Variants in PDLIM1 observed in about 807,000 individuals in gnomAD.
PDLIM1 encodes the protein PDZ and LIM domain 1.
PDLIM1 carries 25 observed loss-of-function variants against 35.2 expected under a neutral mutation model. The observed-to-expected ratio is 0.71, with a 90% confidence interval of 0.52 to 0.99. PDLIM1 has a LOEUF of 0.99. Among genes scored for constraint, PDLIM1 ranks in the 50% least tolerant of loss-of-function variants. The pLI, the probability that PDLIM1 is intolerant of heterozygous loss-of-function variation, is 0.00. For missense variants in PDLIM1, 363 were observed against 415.3 expected, an observed-to-expected ratio of 0.87 and a Z score of 1.09; for synonymous variants, 152 against 154.0, an observed-to-expected ratio of 0.99 and a Z score of 0.10.
At chr10:95,255,945 C>T (rs1049411409) in intron 4 of PDLIM1, among the ~76,000 whole-genome samples, 1 of 102,936 alleles carries the variant, frequency 9.7e-6, no homozygotes, top group African/African-American at 3.1e-5. Context: ...ACAATTGGAA[C>T]TAATAAATGA....
intron 1 of PDLIM1, among the ~76,000 whole-genome samples, chr10:95,282,798 G>A (rs1344865377): frequency 6.6e-6 from 1 of 152,106 alleles, no homozygotes. Flanking sequence ...CAAAAAATTA[G>A]CCAGGTGTGA....
intron 1 of PDLIM1, among the ~76,000 whole-genome samples, chr10:95,283,493 G>T (rs1201491939): frequency 6.6e-6 from 1 of 152,150 alleles, no homozygotes; most frequent in East Asian, 1.9e-4. Context: ...AAATAAGGCA[G>T]AAAGCACAAA....
At chr10:95,280,941 T>C (rs1004255002) in intron 1 of PDLIM1, among the ~76,000 whole-genome samples, 7 of 152,156 alleles carry the variant, frequency 4.6e-5, no homozygotes, top group Admixed American at 2.6e-4. Context: ...ATTCAAAATA[T>C]AGATAGAGCT....
chr10:95,243,757 C>T (rs1191444376), intron 5 of PDLIM1, among the ~76,000 whole-genome samples: 4 of 152,076 alleles, frequency 2.6e-5, no homozygotes, highest in Non-Finnish European at 5.9e-5. Flanking sequence ...ACACAAACAA[C>T]GGAATAATAC....
At chr10:95,255,324 T>A (rs1220730535) in intron 4 of PDLIM1, among the ~76,000 whole-genome samples, 404 of 102,448 alleles carry the variant, frequency 3.9e-3, no homozygotes, top group East Asian at 5.4e-3. Context: ...CCAAAGATAC[T>A]AAAAAAAAAA....
chr10:95,248,346 T>C (rs1408839140), intron 4 of PDLIM1, among the ~76,000 whole-genome samples: 1 of 152,226 alleles, frequency 6.6e-6, no homozygotes, highest in African/African-American at 2.4e-5. Context: ...CTGGCCTCAA[T>C]AGATAAATCC....
chr10:95,288,614 G>A (rs985298942), intron 1 of PDLIM1, among the ~76,000 whole-genome samples: 1 of 151,808 alleles, frequency 6.6e-6, no homozygotes, highest in Non-Finnish European at 1.5e-5. Context: ...GCTCAAGCAA[G>A]AAGACACTGG....
chr10:95,264,147 G>T, intron 3 of PDLIM1, 84 bp from the exon 4 acceptor site: 2 of 1,142,974 alleles, frequency 1.7e-6, no homozygotes, highest in Non-Finnish European at 1.3e-6. Flanking sequence ...GCGCCAGGGA[G>T]AGGTGTTCCA....
intron 2 of PDLIM1, among the ~76,000 whole-genome samples, chr10:95,270,523 G>GCGGGA (rs1450758751): frequency 1.3e-5 from 2 of 152,100 alleles, no homozygotes. Context: ...TCCTGCCTTT[G>GCGGGA]CGGGACCCCT....
At chr10:95,276,908 A>AC (rs946535801) in intron 1 of PDLIM1, among the ~76,000 whole-genome samples, 7 of 148,660 alleles carry the variant, frequency 4.7e-5, no homozygotes, top group Non-Finnish European at 9.0e-5. Context: ...AAAAAAAAAA[A>AC]AAAAAAAAAA....
At chr10:95,256,749 A>T (rs373169350) in intron 4 of PDLIM1, among the ~76,000 whole-genome samples, 63 of 152,214 alleles carry the variant, frequency 4.1e-4, no homozygotes, top group African/African-American at 1.5e-3. Context: ...AGGCAGGCAG[A>T]TCACTTGAGG....
intron 3 of PDLIM1, among the ~76,000 whole-genome samples, chr10:95,266,583 A>G (rs2035418719): frequency 6.6e-6 from 1 of 152,220 alleles, no homozygotes; most frequent in African/African-American, 2.4e-5. Context: ...AGCCTTCTTT[A>G]CAAGGATTTG....
chr10:95,281,223 C>A (rs1358188976), intron 1 of PDLIM1, among the ~76,000 whole-genome samples: 1 of 151,974 alleles, frequency 6.6e-6, no homozygotes, highest in African/African-American at 2.4e-5. Flanking sequence ...ACATACAAAG[C>A]CCTTGAAAGG....
At chr10:95,276,638 G>C (rs1351641481) in intron 1 of PDLIM1, among the ~76,000 whole-genome samples, 1 of 152,136 alleles carries the variant, frequency 6.6e-6, no homozygotes, top group Non-Finnish European at 1.5e-5. Flanking sequence ...GCATGACAAA[G>C]TCTTTAGCAA....
chr10:95,284,261 A>G (rs1221033687), intron 1 of PDLIM1, among the ~76,000 whole-genome samples: 2 of 152,184 alleles, frequency 1.3e-5, no homozygotes, highest in Non-Finnish European at 2.9e-5. Flanking sequence ...TGGTATGGGT[A>G]TGCTCAGCTT....
intron 5 of PDLIM1, among the ~76,000 whole-genome samples, chr10:95,239,414 C>A (rs1010991926): frequency 3.9e-5 from 6 of 152,182 alleles, no homozygotes; most frequent in African/African-American, 1.2e-4. Flanking sequence ...GAAGAGACAA[C>A]CCACAGAATG....
At chr10:95,243,652 C>T (rs1018979882) in intron 5 of PDLIM1, among the ~76,000 whole-genome samples, 3 of 152,190 alleles carry the variant, frequency 2.0e-5, no homozygotes, top group Non-Finnish European at 4.4e-5. Context: ...CTGGCCACCA[C>T]TGTGTTTTCT....
At chr10:95,288,049 C>T (rs991479215) in intron 1 of PDLIM1, among the ~76,000 whole-genome samples, 2 of 152,070 alleles carry the variant, frequency 1.3e-5, no homozygotes, top group Admixed American at 6.5e-5. Flanking sequence ...GTCAGGATAG[C>T]GTTACATTTA....
rs2035138781 is a variant in PDLIM1, at chr10:95,237,829, G to A, written c.*96C>T. ...TTTTACAAGCAGAGGGAAAACCAAA[G>A]TAAGCAGAGAACTTTCAAGAGAGGA... On this transcript the variant is annotated 3_prime_UTR_variant, in exon 7 of 7. Transcript: ENST00000329399. The A allele has an allele frequency of 1.8e-6, 2 of 1,087,528 alleles. No individual in the cohort carries two copies. The highest frequency in any genetic ancestry group is 1.6e-5 in the African/African-American group (1 of 63,718). The allele number at this position is 1,087,528 out of a possible 1,614,324, so 67.4% of individuals were successfully genotyped here.
Sources: gnomAD v4.1 joint callset for allele counts (sites outside exome capture counted in the v4.1 genomes callset) on GRCh38, gnomAD v4.1.1 for gene constraint, MANE v1.5 for transcripts, NCBI Gene and HGNC (gene_info 2026-07-23, HGNC 2026-07-21) for gene names.